Variants in GALNT8 observed in about 807,000 individuals in gnomAD.
GALNT8 encodes probable polypeptide N-acetylgalactosaminyltransferase 8.
A neutral mutation model predicts 62.7 loss-of-function variants in GALNT8; 66 were observed. That is an observed-to-expected ratio of 1.05 (90% CI 0.86 to 1.29). The LOEUF (loss-of-function observed/expected upper bound fraction) is 1.29. Among genes scored for constraint, GALNT8 ranks in the 50% most tolerant of loss-of-function variants. The pLI is 0.00. For missense variants in GALNT8, 771 were observed against 791.8 expected, an observed-to-expected ratio of 0.97 and a Z score of 0.32; for synonymous variants, 288 against 294.3, an observed-to-expected ratio of 0.98 and a Z score of 0.22.
chr12:4,720,795 G>A lies in GALNT8; in HGVS notation c.118G>A (p.Gly40Ser). ...KGTLQNLFTG[G>S]LHRELPLHLN... ...GACTTTACAAAACCTGTTTACGGGT[G>A]GTCTCCACAGGGAGCTTCCTTTACA... is the stretch of plus-strand genomic sequence containing the variant. Residue 40 changes from glycine (G) to serine (S), a missense_variant, in exon 1 of 11, where the codon GGT becomes AGT. Transcript: ENST00000252318. 8 of 1,611,020 alleles carry A rather than the reference G, an allele frequency of 5.0e-6. No individual in the cohort carries two copies. The highest frequency in any genetic ancestry group is 6.8e-6 in the Non-Finnish European group (8 of 1,177,166).
intron 10 of GALNT8, among the ~76,000 whole-genome samples, chr12:4,768,677 G>T (rs1437131195): frequency 6.6e-6 from 1 of 152,192 alleles, no homozygotes; most frequent in Non-Finnish European, 1.5e-5. Context: ...ATTGAAAAGG[G>T]AGGTGATCGT....
At chr12:4,723,191 A>T (rs1946178809) in intron 1 of GALNT8, among the ~76,000 whole-genome samples, 1 of 152,236 alleles carries the variant, frequency 6.6e-6, no homozygotes, top group Non-Finnish European at 1.5e-5. Flanking sequence ...AATTCCATAG[A>T]TGAATAAATG....
chr12:4,741,361 G>T (rs1946271315), intron 3 of GALNT8, among the ~76,000 whole-genome samples: 1 of 152,012 alleles, frequency 6.6e-6, no homozygotes, highest in Non-Finnish European at 1.5e-5. Flanking sequence ...TCATTTCTGG[G>T]CATGGAGACT....
intron 1 of GALNT8, among the ~76,000 whole-genome samples, chr12:4,721,911 GT>G (rs1189957224): frequency 1.3e-5 from 2 of 152,168 alleles, no homozygotes; most frequent in African/African-American, 4.8e-5. Flanking sequence ...CTTCCGCAGT[GT>G]TTTGTGTCCC....
chr12:4,752,025 T>C (rs889164259), intron 6 of GALNT8, among the ~76,000 whole-genome samples: 2 of 152,206 alleles, frequency 1.3e-5, no homozygotes, highest in African/African-American at 4.8e-5. Context: ...TCTCTTCTTA[T>C]AGTTTTTGTC....
intron 6 of GALNT8, among the ~76,000 whole-genome samples, chr12:4,758,631 T>TGA (rs1946356311): frequency 2.4e-4 from 22 of 93,068 alleles, no homozygotes; most frequent in East Asian, 5.1e-4. Flanking sequence ...TGTGTGTGTG[T>TGA]GTGTGTGAGA....
intron 6 of GALNT8, among the ~76,000 whole-genome samples, chr12:4,752,647 GTTA>G (rs976584986): frequency 6.6e-5 from 10 of 151,648 alleles, no homozygotes; most frequent in African/African-American, 1.2e-4. Flanking sequence ...AGGTTTTGTA[GTTA>G]TTATTGTTGA....
Position 4,744,625 on chromosome 12 carries a change from G to C in GALNT8, c.785G>C (p.Arg262Pro). The C allele has an allele frequency of 6.2e-7, 1 of 1,613,612 alleles. No individual in the cohort carries two copies. The highest frequency in any genetic ancestry group is 8.5e-7 in the Non-Finnish European group (1 of 1,179,654). The change falls in exon 4 of 11, where the codon CGC becomes CCC. Residue 262 changes from arginine (R) to proline (P), a missense_variant. Arg to Pro is a moderately radical substitution (Grantham distance 103). Transcript: ENST00000252318. ...HPERKGLAQARNTGWEAATAD... is the reference protein window; with the variant it reads ...HPERKGLAQAPNTGWEAATAD... ...GAAAGGAAAGGTCTTGCTCAAGCCC[G>C]CAACACTGGCTGGGAAGCTGCCACA...
intron 6 of GALNT8, among the ~76,000 whole-genome samples, chr12:4,750,676 TG>T (rs1275603204): frequency 9.2e-5 from 14 of 152,186 alleles, no homozygotes; most frequent in African/African-American, 2.4e-4. Flanking sequence ...TATAATCCTT[TG>T]GGTATATACC....
rs184215989 is a variant in GALNT8, at chr12:4,741,482, C to T, written c.676+2153C>T. ...TGGCTCTGCTCCCTGCCTGAGACAA[C>T]GTCAGGCAAGTCCCCTCACCTCTTT... On this transcript the variant is annotated intron_variant, in intron 3 of 10. Transcript: ENST00000252318. 7.1e-4 allele frequency among the ~76,000 whole-genome samples: 108 copies of T among 152,136 alleles called. No homozygotes were observed. In the Middle Eastern group the frequency reaches 0.01, roughly 14 times the overall value.
chr12:4,726,737 G>A lies in GALNT8; in HGVS notation c.417G>A (p.Ala139=), dbSNP rs572379199. The change falls in exon 2 of 11, where the codon GCG becomes GCA. Residue 139 remains alanine (A), a synonymous_variant. Transcript: ENST00000252318. This position sits in a 1 kb window ranked among gnomAD's most constrained non-coding sequence, Gnocchi z 4.1. The part of the protein sequence containing the change: ...GEDLSEAQQK[A]AQDLFRKFGY... ...ATCTTTCTGAGGCCCAGCAGAAGGC[G>A]GCCCAGGACCTCTTCCGGAAGTTTG... The A allele has an allele frequency of 2.1e-5, 34 of 1,613,962 alleles. No homozygotes were observed. The Middle Eastern group carries it at 4.9e-4, about 23-fold the overall frequency.
At chr12:4,739,375 A>T in intron 3 of GALNT8, 46 bp downstream of exon 3, 1 of 1,513,794 alleles carries the variant, frequency 6.6e-7, no homozygotes, top group African/African-American at 1.4e-5. Flanking sequence ...ACCACTTATC[A>T]TCTGTGCTTG....
chr12:4,746,958 T>C (rs1404765185), intron 6 of GALNT8, among the ~76,000 whole-genome samples: 1 of 152,138 alleles, frequency 6.6e-6, no homozygotes, highest in Non-Finnish European at 1.5e-5. Context: ...CCAACTTCTG[T>C]GTGTCTGGAA....
chr12:4,733,490 AG>A lies in GALNT8; in HGVS notation c.510-5671del, dbSNP rs560886896. Reference sequence around the variant, plus strand: ...AAAAGATGCACAGGAAACAGGGCAGAGGAGAGAAAATCTGAAGTCACTGATG... The same window carrying A: ...AAAAGATGCACAGGAAACAGGGCAGAGAGAGAAAATCTGAAGTCACTGATG... On this transcript the variant is annotated intron_variant, in intron 2 of 10. Transcript: ENST00000252318. Among the ~76,000 whole-genome samples the A allele has an allele frequency of 3.2e-4, 48 of 152,364 alleles. 1 individual carries two copies. The East Asian group carries it at 7.3e-3, about 23-fold the overall frequency.
At chr12:4,741,023 T>A (rs183456193) in intron 3 of GALNT8, among the ~76,000 whole-genome samples, 111 of 152,338 alleles carry the variant, frequency 7.3e-4, no homozygotes, top group African/African-American at 2.5e-3. Context: ...GAGAGTAGAA[T>A]TAAGTTACAA....
chr12:4,731,730 A>G (rs1008602810), intron 2 of GALNT8, among the ~76,000 whole-genome samples: 6 of 152,196 alleles, frequency 3.9e-5, no homozygotes, highest in African/African-American at 1.2e-4. Flanking sequence ...TTTCGCATCT[A>G]TTGAGATGAT....
At chr12:4,730,942 G>A (rs1946219327) in intron 2 of GALNT8, among the ~76,000 whole-genome samples, 1 of 150,932 alleles carries the variant, frequency 6.6e-6, no homozygotes, top group Admixed American at 6.6e-5. Context: ...CCACCTCCTG[G>A]GTTCATGCCA....
intron 9 of GALNT8, among the ~76,000 whole-genome samples, chr12:4,764,529 G>A (rs1467518838): frequency 1.0e-5 from 1 of 99,758 alleles, no homozygotes; most frequent in Non-Finnish European, 2.1e-5. Context: ...GCAGTCAGGG[G>A]ATTTTTTTTT....
At chr12:4,768,597 A>G (rs886576898) in intron 10 of GALNT8, 1 of 233,686 alleles carries the variant, frequency 4.3e-6, no homozygotes, top group Admixed American at 4.9e-5. Context: ...ACATCCAGGG[A>G]AATTCTGCCA....
Sources: gnomAD v4.1 joint callset for allele counts (sites outside exome capture counted in the v4.1 genomes callset) on GRCh38, gnomAD v4.1.1 for gene constraint, Gnocchi (gnomAD v3.1) non-coding constraint, MANE v1.5 for transcripts, NCBI Gene and HGNC (gene_info 2026-07-23, HGNC 2026-07-21) for gene names.